Variants in FHAD1 observed in about 807,000 individuals in gnomAD.
FHAD1 encodes the protein forkhead-associated domain-containing protein 1.
In FHAD1, 146 loss-of-function variants were observed where a neutral mutation model predicts 191.3. That is an observed-to-expected ratio of 0.76 (90% CI 0.67 to 0.88). The LOEUF is 0.88. Ranked by LOEUF, FHAD1 falls within the 40% of genes least tolerant of loss-of-function variation. FHAD1 has a pLI of 0.00. For synonymous variants in FHAD1, 616 were observed against 672.3 expected (o/e 0.92, Z 1.29); for missense variants, 1,635 against 1,785.8 (o/e 0.92, Z 1.52).
chr1:15,272,430 C>G lies in FHAD1; in HGVS notation c.201C>G (p.Cys67Trp), dbSNP rs1364582092. The G allele has an allele frequency of 6.4e-7, 1 of 1,551,702 alleles. No homozygotes were observed. The highest frequency in any genetic ancestry group is 1.2e-5 in the South Asian group (1 of 84,062). Reference protein sequence around the residue: ...NSRNGTFVNECHIQNVAVKLI... With the variant: ...NSRNGTFVNEWHIQNVAVKLI... ...GCAACGGCACGTTTGTCAACGAGTG[C>G]CACATTCAAAACGTGGCTGTGAAGC... The change falls in exon 3 of 34, where the codon TGC (cysteine) becomes TGG (tryptophan). Residue 67 changes from cysteine to tryptophan, a missense_variant. Transcript: ENST00000688493.
intron 14 of FHAD1, among the ~76,000 whole-genome samples, chr1:15,333,216 A>G (rs936932037): frequency 6.6e-6 from 1 of 152,016 alleles, no homozygotes; most frequent in Non-Finnish European, 1.5e-5. Context: ...CAAGCGCCCA[A>G]AAGACTAAAA....
At chr1:15,372,831 G>A (rs2249097) in intron 26 of FHAD1, among the ~76,000 whole-genome samples, 3 of 151,948 alleles carry the variant, frequency 2.0e-5, no homozygotes, top group South Asian at 2.1e-4. Flanking sequence ...AAATGAAAAC[G>A]GTTCCCAACA....
intron 10 of FHAD1, among the ~76,000 whole-genome samples, chr1:15,321,119 A>C (rs946730856): frequency 6.6e-6 from 1 of 152,174 alleles, no homozygotes; most frequent in African/African-American, 2.4e-5. Context: ...TTTTTAGTAG[A>C]GACAGTGTTT....
intron 14 of FHAD1, among the ~76,000 whole-genome samples, chr1:15,331,222 A>G (rs75829621): frequency 0.019 from 2,853 of 152,120 alleles, 101 homozygotes; most frequent in African/African-American, 0.066. Flanking sequence ...GAGATGCCCA[A>G]GAGACAGCTG....
chr1:15,386,773 C>T (rs1325914073), intron 31 of FHAD1, among the ~76,000 whole-genome samples: 1 of 152,176 alleles, frequency 6.6e-6, no homozygotes, highest in Non-Finnish European at 1.5e-5. Flanking sequence ...CCCGTGAAGG[C>T]ATGCATATAA....
intron 3 of FHAD1, among the ~76,000 whole-genome samples, chr1:15,279,092 C>T (rs1317468265): frequency 6.6e-6 from 1 of 152,096 alleles, no homozygotes; most frequent in Non-Finnish European, 1.5e-5. Context: ...GTTCCTTGGT[C>T]TTAAGTCACT....
chr1:15,396,152 G>GTAAAA (rs1002500420), intron 33 of FHAD1, among the ~76,000 whole-genome samples: 1 of 151,784 alleles, frequency 6.6e-6, no homozygotes, highest in Admixed American at 6.6e-5. Context: ...TCTACAAAAA[G>GTAAAA]TAAAATAAAA....
At chr1:15,392,792 AT>A (rs928582424) in intron 33 of FHAD1, among the ~76,000 whole-genome samples, 6 of 151,338 alleles carry the variant, frequency 4.0e-5, no homozygotes, top group East Asian at 1.9e-4. Flanking sequence ...CCATTCACTG[AT>A]TTTTTTTTCC....
At chr1:15,269,376 T>A (rs1654928115) in intron 2 of FHAD1, among the ~76,000 whole-genome samples, 1 of 152,208 alleles carries the variant, frequency 6.6e-6, no homozygotes, top group Non-Finnish European at 1.5e-5. Flanking sequence ...TTCATTTAGT[T>A]AAGATAATTT....
At chr1:15,273,295 C>T (rs978094321) in intron 3 of FHAD1, among the ~76,000 whole-genome samples, 1 of 152,084 alleles carries the variant, frequency 6.6e-6, no homozygotes, top group African/African-American at 2.4e-5. Flanking sequence ...ATAAGGGGTT[C>T]ATTCTTATGT....
intron 14 of FHAD1, among the ~76,000 whole-genome samples, chr1:15,330,966 A>G (rs1681058379): frequency 6.6e-6 from 1 of 151,986 alleles, no homozygotes; most frequent in Non-Finnish European, 1.5e-5. Flanking sequence ...TGACAAGGCC[A>G]CCCTAGGGCA....
chr1:15,387,757 C>T (rs915825734), intron 31 of FHAD1, among the ~76,000 whole-genome samples: 1 of 152,128 alleles, frequency 6.6e-6, no homozygotes, highest in Non-Finnish European at 1.5e-5. Context: ...TGGTGGCACA[C>T]GCCCGTAGTC....
chr1:15,258,830 C>T (rs147996291), intron 2 of FHAD1, among the ~76,000 whole-genome samples: 1,908 of 152,180 alleles, frequency 0.013, 45 homozygotes, highest in African/African-American at 0.044. Flanking sequence ...TCAGGTGATC[C>T]GCCCGCCTCG....
intron 33 of FHAD1, among the ~76,000 whole-genome samples, chr1:15,394,158 G>A (rs950755595): frequency 8.5e-5 from 13 of 152,174 alleles, no homozygotes; most frequent in Admixed American, 3.9e-4. Flanking sequence ...CCAGGTCAGC[G>A]GTCCTGGCTG....
At chr1:15,372,690 A>G (rs183163598) in intron 26 of FHAD1, among the ~76,000 whole-genome samples, 102 of 152,356 alleles carry the variant, frequency 6.7e-4, no homozygotes, top group African/African-American at 2.3e-3. Context: ...ATAGCTATCT[A>G]TATATGTATA....
intron 33 of FHAD1, among the ~76,000 whole-genome samples, 196 bp downstream of exon 33, chr1:15,391,459 C>T (rs994935690): frequency 9.9e-5 from 15 of 152,152 alleles, no homozygotes; most frequent in African/African-American, 3.6e-4. Context: ...TCCCAAAGCA[C>T]TGGGATTACA....
At chr1:15,326,643 T>A (rs1053080702) in intron 11 of FHAD1, 4 of 157,630 alleles carry the variant, frequency 2.5e-5, no homozygotes, top group Admixed American at 1.3e-4. Context: ...AACACTCTCC[T>A]CTCCCCGGGC....
At chr1:15,324,354 C>G in intron 10 of FHAD1, 98 bp from the exon 11 acceptor site, 1 of 978,284 alleles carries the variant, frequency 1.0e-6, no homozygotes, top group Non-Finnish European at 1.6e-6. Context: ...GCCTACCCCT[C>G]TGGGACCCCC....
intron 26 of FHAD1, 143 bp from the exon 27 acceptor site, chr1:15,374,359 A>G (rs548508112): frequency 4.2e-6 from 4 of 946,478 alleles, no homozygotes; most frequent in African/African-American, 1.7e-5. Flanking sequence ...TGTAAATTCT[A>G]TCTCTGCTGA....
Sources: allele counts gnomAD v4.1 joint callset (sites outside exome capture counted in the v4.1 genomes callset), GRCh38; gene constraint gnomAD v4.1.1; transcripts MANE v1.5; gene names NCBI Gene and HGNC (gene_info 2026-07-23, HGNC 2026-07-21).